The following IL1RAPL2 variants were observed in gnomAD, a reference collection of about 807,000 sequenced individuals.
IL1RAPL2 encodes interleukin 1 receptor accessory protein like 2.
IL1RAPL2 carries 3 observed loss-of-function variants against 44.1 expected under a neutral mutation model. The ratio of observed to expected loss-of-function variants is 0.07; its 90% CI spans 0.03 to 0.18. The LOEUF is 0.18. Ranked by LOEUF, IL1RAPL2 falls within the 10% of genes least tolerant of loss-of-function variation. The pLI, the probability that IL1RAPL2 is intolerant of heterozygous loss-of-function variation, is 1.00. For synonymous variants in IL1RAPL2, 181 were observed against 178.8 expected (o/e 1.01, Z -0.10); for missense variants, 391 against 496.4 (o/e 0.79, Z 2.02).
chrX:105,497,454 A>G lies in IL1RAPL2; in HGVS notation c.772+13067A>G, dbSNP rs181698296. On this transcript the variant is annotated intron_variant, in intron 6 of 10. Coordinates refer to ENST00000372582, the MANE Select transcript of IL1RAPL2 (RefSeq NM_017416.2). ...GCATTACTGGATAATTCTACTAAGA[A>G]CTAATTGACAATACTAATAATAAAT... is the stretch of plus-strand genomic sequence containing the variant. Among the ~76,000 whole-genome samples the G allele has an allele frequency of 4.0e-4, 45 of 111,750 alleles. 1 individual carries two copies. Among genetic ancestry groups the G allele is most frequent in the Non-Finnish European group, 1.3e-4 (7 of 53,086 alleles).
chrX:104,714,847 A>T (rs770473597), intron 2 of IL1RAPL2, among the ~76,000 whole-genome samples: 4 of 111,247 alleles, frequency 3.6e-5, no homozygotes, highest in Non-Finnish European at 7.6e-5. Flanking sequence ...ATCATAGTGA[A>T]TAAGCTTTTT....
In IL1RAPL2 at chrX:104,851,960, T is replaced by C. The variant is rs186626068; in HGVS notation, c.82+192965T>C. Among the ~76,000 whole-genome samples the C allele has an allele frequency of 3.0e-3, 340 of 111,514 alleles. 2 individuals are homozygous for C. Among genetic ancestry groups the C allele is most frequent in the Non-Finnish European group, 4.8e-3 (253 of 53,084 alleles). On this transcript the variant is annotated intron_variant, in intron 2 of 10. Transcript: ENST00000372582. ...TCCAAGAATGGCACCAAGGTATTTA[T>C]GAGGAATTTGCCCCCATGACCCAAA...
At chrX:104,890,817 T>C (rs1392839644) in intron 2 of IL1RAPL2, among the ~76,000 whole-genome samples, 1 of 112,090 alleles carries the variant, frequency 8.9e-6, no homozygotes, top group Non-Finnish European at 1.9e-5. Flanking sequence ...ATCCCATTTG[T>C]CAATTTTGTC....
chrX:105,290,451 C>T (rs1164789276), intron 5 of IL1RAPL2, among the ~76,000 whole-genome samples: 1 of 111,285 alleles, frequency 9.0e-6, no homozygotes, highest in Non-Finnish European at 1.9e-5. Context: ...AGTAAAGGTC[C>T]ACTAAACAAA....
At chrX:105,306,311 AAAAGG>A (rs1285642856) in intron 5 of IL1RAPL2, among the ~76,000 whole-genome samples, 1 of 111,481 alleles carries the variant, frequency 9.0e-6, no homozygotes, top group East Asian at 2.8e-4. Context: ...ATTTCCCAAG[AAAAGG>A]AGAGTATTCT....
intron 2 of IL1RAPL2, among the ~76,000 whole-genome samples, chrX:104,912,574 G>T (rs1033801875): frequency 4.5e-5 from 5 of 111,519 alleles, no homozygotes; most frequent in African/African-American, 1.6e-4. Context: ...AATAGTGACT[G>T]TTTCATTTCA....
intron 2 of IL1RAPL2, among the ~76,000 whole-genome samples, chrX:104,813,562 C>T (rs1458885902): frequency 9.0e-6 from 1 of 111,529 alleles, no homozygotes; most frequent in Non-Finnish European, 1.9e-5. Flanking sequence ...TAAATATCTG[C>T]TATATGCCGA....
At chrX:105,697,419 G>A (rs920163152) in intron 6 of IL1RAPL2, among the ~76,000 whole-genome samples, 1 of 111,446 alleles carries the variant, frequency 9.0e-6, no homozygotes, top group African/African-American at 3.3e-5. Flanking sequence ...AGAATAATGA[G>A]ATTAAGTGGC....
intron 2 of IL1RAPL2, among the ~76,000 whole-genome samples, chrX:105,079,019 A>G (rs2032360591): frequency 8.9e-6 from 1 of 112,119 alleles, no homozygotes; most frequent in South Asian, 3.7e-4. Context: ...GCTCACACAC[A>G]GTGCACTGCA....
intron 6 of IL1RAPL2, among the ~76,000 whole-genome samples, chrX:105,516,911 G>A (rs1317095737): frequency 9.0e-6 from 1 of 111,717 alleles, no homozygotes; most frequent in African/African-American, 3.3e-5. Flanking sequence ...TTTAGAGGAG[G>A]AGCAGCTAAC....
At chrX:105,158,847 T>G (rs923848876) in intron 2 of IL1RAPL2, among the ~76,000 whole-genome samples, 1 of 111,813 alleles carries the variant, frequency 8.9e-6, no homozygotes, top group African/African-American at 3.3e-5. Context: ...TTCACCTCTC[T>G]GGAACATGAA....
intron 2 of IL1RAPL2, among the ~76,000 whole-genome samples, chrX:104,906,910 C>T (rs1240564194): frequency 6.0e-4 from 67 of 111,650 alleles, no homozygotes; most frequent in African/African-American, 2.1e-3. Context: ...TCATAGAATT[C>T]GGCTGTGAAT....
chrX:105,321,612 A>G (rs2034898090), intron 5 of IL1RAPL2, among the ~76,000 whole-genome samples: 1 of 112,133 alleles, frequency 8.9e-6, no homozygotes, highest in South Asian at 3.7e-4. Flanking sequence ...TGTTTACTAT[A>G]TCTTGCATGT....
In IL1RAPL2 at chrX:105,609,728, C is replaced by A. The variant is rs748283377; in HGVS notation, c.773-107639C>A. 3.6e-5 allele frequency among the ~76,000 whole-genome samples: 4 copies of A among 111,062 alleles called. No homozygotes were observed. The East Asian group carries it at 8.6e-4, about 24-fold the overall frequency. ...AGGTTTCAGTGCCTAAAGTGACCAG[C>A]CTCATGCCAAGCTCTGATGCCCCAC... On this transcript the variant is annotated intron_variant, in intron 6 of 10. Transcript: ENST00000372582.
intron 7 of IL1RAPL2, among the ~76,000 whole-genome samples, chrX:105,717,735 A>G (rs1383528213): frequency 1.8e-5 from 2 of 111,800 alleles, no homozygotes; most frequent in South Asian, 3.7e-4. Context: ...AATTCCTTTG[A>G]GTTTCTAAAG....
At chrX:105,236,885 G>T (rs1304159806) in intron 4 of IL1RAPL2, among the ~76,000 whole-genome samples, 2 of 110,571 alleles carry the variant, frequency 1.8e-5, no homozygotes, top group Non-Finnish European at 3.8e-5. Context: ...TAGGGTACAT[G>T]TGCACAATGT....
Position 105,264,190 on chromosome X carries a change from G to A in IL1RAPL2, c.544-3198G>A, listed in dbSNP as rs1603038395. Among the ~76,000 whole-genome samples the A allele has an allele frequency of 2.7e-5, 3 of 110,550 alleles. 1 individual carries two copies. The Admixed American group carries it at 2.9e-4, about 11-fold the overall frequency. On this transcript the variant is annotated intron_variant, in intron 4 of 10. Coordinates refer to ENST00000372582, the MANE Select transcript of IL1RAPL2 (RefSeq NM_017416.2). ...TCTCATGATAGTGAGTGAGTTCTCA[G>A]GAGATCTGATGGTTTTATAAGGGGC...
chrX:105,566,630 G>C (rs1474683441), intron 6 of IL1RAPL2, among the ~76,000 whole-genome samples: 1 of 111,655 alleles, frequency 9.0e-6, no homozygotes, highest in African/African-American at 3.3e-5. Flanking sequence ...GAGTGATCGA[G>C]TTGATGTCTT....
chrX:105,683,623 A>T (rs892709021), intron 6 of IL1RAPL2, among the ~76,000 whole-genome samples: 5 of 110,829 alleles, frequency 4.5e-5, no homozygotes, highest in Non-Finnish European at 7.6e-5. Context: ...AAAACAGAAT[A>T]AAAAAAAACT....
Sources: allele counts gnomAD v4.1 joint callset (sites outside exome capture counted in the v4.1 genomes callset), GRCh38; gene constraint gnomAD v4.1.1; transcripts MANE v1.5; gene names NCBI Gene and HGNC (gene_info 2026-07-23, HGNC 2026-07-21).